SPATA31H1: variants seen among roughly 807,000 people sequenced by gnomAD.
The protein encoded by SPATA31H1 is SPATA31 subfamily H member 1.
chr2:27,559,695 C>T, the SPATA31H1 span, among the ~76,000 whole-genome samples: 1,467 of 152,060 alleles, frequency 9.6e-3, 26 homozygotes, highest in African/African-American at 0.033. Flanking sequence ...ATGTGCTTAT[C>T]CATTCTTTAT....
At chr2:27,539,890 C>T in the SPATA31H1 span, among the ~76,000 whole-genome samples, 4 of 123,030 alleles carry the variant, frequency 3.3e-5, no homozygotes, top group South Asian at 2.5e-4. Context: ...ACCTCCCTCC[C>T]GGATGGGGCG....
the SPATA31H1 span, chr2:27,576,509 T>C: frequency 7.9e-7 from 1 of 1,271,786 alleles, no homozygotes; most frequent in South Asian, 1.5e-5. Context: ...CATCATGCTT[T>C]GGGTCACAAT....
chr2:27,570,820 A>G, the SPATA31H1 span: 1 of 398,822 alleles, frequency 2.5e-6, no homozygotes, highest in Non-Finnish European at 4.4e-6. Context: ...GCAGGCAACC[A>G]AGAACCAAGC....
At chr2:27,556,715 A>AT in the SPATA31H1 span, among the ~76,000 whole-genome samples, 80 of 122,726 alleles carry the variant, frequency 6.5e-4, no homozygotes, top group South Asian at 1.3e-3. Context: ...TAATTAATTT[A>AT]TTTTTTTTTT....
the SPATA31H1 span, chr2:27,578,922 C>T: frequency 6.2e-7 from 1 of 1,613,988 alleles, no homozygotes; most frequent in Non-Finnish European, 8.5e-7. Flanking sequence ...CTATATAGAC[C>T]CTACTATGAT....
the SPATA31H1 span, chr2:27,571,307 C>T: frequency 2.5e-6 from 1 of 398,222 alleles, no homozygotes; most frequent in East Asian, 3.6e-5. Context: ...AATCTGTGAC[C>T]TTAACTCCAG....
the SPATA31H1 span, chr2:27,569,021 T>C: frequency 2.5e-6 from 1 of 398,954 alleles, no homozygotes; most frequent in East Asian, 3.6e-5. Context: ...TGGAAAAATC[T>C]ATTGGGTTGA....
the SPATA31H1 span, chr2:27,574,980 T>C: frequency 2.0e-5 from 8 of 398,540 alleles, no homozygotes; most frequent in South Asian, 1.3e-4. Context: ...ATCTTCTGAA[T>C]TGACTGTAGG....
the SPATA31H1 span, among the ~76,000 whole-genome samples, chr2:27,546,753 G>C: frequency 1.3e-5 from 2 of 151,830 alleles, no homozygotes; most frequent in African/African-American, 2.4e-5. Flanking sequence ...GTCTGGTCTC[G>C]AACTCCTCAG....
At chr2:27,540,319 GC>G in the SPATA31H1 span, among the ~76,000 whole-genome samples, 2 of 53,182 alleles carry the variant, frequency 3.8e-5, no homozygotes, top group African/African-American at 1.6e-4. Context: ...GGGCAGAGGG[GC>G]TCCTCACTTC....
the SPATA31H1 span, among the ~76,000 whole-genome samples, chr2:27,554,089 G>C: frequency 6.6e-6 from 1 of 151,878 alleles, no homozygotes; most frequent in Admixed American, 6.6e-5. Flanking sequence ...ATTTCTCTCT[G>C]AGACCTCGTC....
chr2:27,580,611 C>T, the SPATA31H1 span: 1 of 1,614,222 alleles, frequency 6.2e-7, no homozygotes, highest in Non-Finnish European at 8.5e-7. Flanking sequence ...ACCTTCCCAA[C>T]CCAAGTTCAT....
the SPATA31H1 span, among the ~76,000 whole-genome samples, chr2:27,538,371 C>G: frequency 6.6e-6 from 1 of 152,118 alleles, no homozygotes; most frequent in Admixed American, 6.6e-5. Context: ...ACAATTCTAG[C>G]AAGCTCCCAG....
At chr2:27,581,839 G>A in the SPATA31H1 span, 1 of 1,611,074 alleles carries the variant, frequency 6.2e-7, no homozygotes, top group Admixed American at 1.7e-5. Context: ...CCCTCTGAGA[G>A]AAGCCATTGC....
At chr2:27,550,681 A>C in the SPATA31H1 span, among the ~76,000 whole-genome samples, 2 of 151,896 alleles carry the variant, frequency 1.3e-5, no homozygotes, top group Non-Finnish European at 2.9e-5. Context: ...GACATCCCAA[A>C]GTGCTGAGAT....
At chr2:27,569,049 A>T in the SPATA31H1 span, 3 of 399,014 alleles carry the variant, frequency 7.5e-6, no homozygotes, top group Non-Finnish European at 1.3e-5. Flanking sequence ...ATCTTTAGGA[A>T]CTAGCCCAGG....
At chr2:27,582,497 G>A in the SPATA31H1 span, 1 of 1,611,204 alleles carries the variant, frequency 6.2e-7, no homozygotes, top group Non-Finnish European at 8.5e-7. Context: ...CCAAAGCAGG[G>A]CAAGTGTGGA....
the SPATA31H1 span, chr2:27,568,055 G>C: frequency 2.5e-6 from 1 of 398,892 alleles, no homozygotes; most frequent in Non-Finnish European, 4.4e-6. Context: ...AATCAGAGAG[G>C]GTGGCCACAA....
chr2:27,569,851 C>G, the SPATA31H1 span: 3 of 398,640 alleles, frequency 7.5e-6, no homozygotes, highest in Non-Finnish European at 8.9e-6. Context: ...CCACAGTTGC[C>G]AAGTGTCAGA....
Sources: gnomAD v4.1 joint callset for allele counts (sites outside exome capture counted in the v4.1 genomes callset) on GRCh38, gnomAD v4.1.1 for gene constraint, MANE v1.5 for transcripts, NCBI Gene and HGNC (gene_info 2026-07-23, HGNC 2026-07-21) for gene names.